Variants in METTL16 observed in about 807,000 individuals in gnomAD.
METTL16 encodes the protein methyltransferase 16, RNA N6-adenosine.
A neutral mutation model predicts 57.9 loss-of-function variants in METTL16; 19 were observed. That is an observed-to-expected ratio of 0.33 (90% CI 0.23 to 0.48). The LOEUF is 0.48. Ranked by LOEUF, METTL16 falls within the 20% of genes least tolerant of loss-of-function variation. The pLI, the probability that METTL16 is intolerant of heterozygous loss-of-function variation, is 0.99. For missense variants in METTL16, 434 were observed against 691.5 expected, an observed-to-expected ratio of 0.63 and a Z score of 4.18; for synonymous variants, 246 against 255.6, an observed-to-expected ratio of 0.96 and a Z score of 0.36.
At chr17:2,470,329 G>A (rs978419449) in intron 4 of METTL16, among the ~76,000 whole-genome samples, 6 of 151,862 alleles carry the variant, frequency 4.0e-5, no homozygotes, top group Non-Finnish European at 5.9e-5. Context: ...ACCCCAAAAC[G>A]TGGTATTAAA....
rs1164881307 is a variant in METTL16 at position 2,419,488 on chromosome 17, A to G, written c.*482T>C. 8.1e-6 allele frequency: 3 copies of G among 369,074 alleles called. No individual in the cohort carries two copies. The highest frequency in any genetic ancestry group is 1.1e-5 in the Non-Finnish European group (2 of 186,620). The allele number at this position is 369,074 out of a possible 1,614,324, so 22.9% of individuals were successfully genotyped here. ...CCCACCATACAGCTCCCTTTGTGGG[A>G]TTGATGCAAGGTAGGCCCCATCTTG... On this transcript the variant is annotated 3_prime_UTR_variant, in exon 10 of 10. Coordinates refer to ENST00000263092, the MANE Select transcript of METTL16 (RefSeq NM_024086.4).
At chr17:2,506,814 C>T (rs373439598) in intron 1 of METTL16, among the ~76,000 whole-genome samples, 3,572 of 151,450 alleles carry the variant, frequency 0.024, 71 homozygotes, top group African/African-American at 0.056. Context: ...CGTCTCTGCC[C>T]GGCCGCCATC....
intron 2 of METTL16, among the ~76,000 whole-genome samples, chr17:2,486,993 G>C (rs933261384): frequency 1.1e-5 from 1 of 92,956 alleles, no homozygotes; most frequent in Non-Finnish European, 1.9e-5. Flanking sequence ...AACAGAGTGA[G>C]ATCCTGTCTC....
At position 2,420,889 on chromosome 17, in the gene METTL16, G is replaced by T; in HGVS notation, c.904C>A (p.Arg302=). The T allele has an allele frequency of 6.2e-7, 1 of 1,613,070 alleles. No individual in the cohort carries two copies. The highest frequency in any genetic ancestry group is 1.3e-5 in the African/African-American group (1 of 74,960). ...DVTVPSPPSK[R]RKLEKPRKPI... is the part of the protein sequence containing the mutation. ...TTTCTCGGTTTCTCTAATTTTCTTC[G>T]CTTACTTGGTGGTGACTGCAAGAAA... The change falls in exon 9 of 10, where the codon CGA becomes AGA. Residue 302 remains arginine, a synonymous_variant. Transcript: ENST00000263092. This position sits in a 1 kb window ranked among gnomAD's most constrained non-coding sequence, Gnocchi z 5.4.
chr17:2,469,998 G>A (rs1214443420), intron 4 of METTL16, among the ~76,000 whole-genome samples: 1 of 152,090 alleles, frequency 6.6e-6, no homozygotes, highest in Non-Finnish European at 1.5e-5. Context: ...GATTCCCAGG[G>A]GAAATACAGG....
chr17:2,499,808 C>T (rs1222712786), intron 2 of METTL16, among the ~76,000 whole-genome samples: 1 of 152,144 alleles, frequency 6.6e-6, no homozygotes, highest in Non-Finnish European at 1.5e-5. Context: ...GGCTGAAGTG[C>T]AGTGGCATGA....
At chr17:2,441,461 A>T (rs371798855) in intron 7 of METTL16, 29 bp downstream of exon 7, 80 of 1,515,372 alleles carry the variant, frequency 5.3e-5, no homozygotes, top group Middle Eastern at 1.7e-4. Flanking sequence ...AAAAGTAGCT[A>T]CACGAGAACA....
intron 5 of METTL16, among the ~76,000 whole-genome samples, chr17:2,467,198 C>A (rs1473952377): frequency 6.6e-6 from 1 of 152,010 alleles, no homozygotes; most frequent in African/African-American, 2.4e-5. Context: ...TACTTCAAAC[C>A]AAAAGCCCCC....
intron 1 of METTL16, among the ~76,000 whole-genome samples, chr17:2,510,206 C>G (rs7211072): frequency 0.85 from 129,375 of 152,222 alleles, 55,718 homozygotes; most frequent in Non-Finnish European, 0.93. Context: ...GACATTTATG[C>G]GGTATTTGTT....
intron 3 of METTL16, among the ~76,000 whole-genome samples, chr17:2,476,370 T>G (rs1257124645): frequency 6.6e-6 from 1 of 152,062 alleles, no homozygotes; most frequent in East Asian, 1.9e-4. Flanking sequence ...CAGGGTAGGG[T>G]GCTGAGTGAG....
chr17:2,494,378 G>A (rs751138658), intron 2 of METTL16, among the ~76,000 whole-genome samples: 18 of 152,018 alleles, frequency 1.2e-4, no homozygotes, highest in Non-Finnish European at 1.8e-4. Flanking sequence ...GGGGTATATG[G>A]GATATACATT....
At chr17:2,466,496 C>T (rs1274003592) in intron 5 of METTL16, among the ~76,000 whole-genome samples, 1 of 152,172 alleles carries the variant, frequency 6.6e-6, no homozygotes, top group African/African-American at 2.4e-5. Context: ...CCAACTACTG[C>T]TGGGTTTCTC....
intron 6 of METTL16, among the ~76,000 whole-genome samples, chr17:2,444,858 C>T (rs1196435600): frequency 6.6e-6 from 1 of 151,844 alleles, no homozygotes; most frequent in Non-Finnish European, 1.5e-5. Context: ...GGAGTACAGG[C>T]ACCCCCTCCA....
At position 2,420,445 on chromosome 17, in the gene METTL16, G is replaced by C. The variant is rs1272449144; in HGVS notation, c.1214C>G (p.Ala405Gly). The C allele has an allele frequency of 1.2e-6, 2 of 1,614,114 alleles. No individual in the cohort carries two copies. ...GGGGGTGGGCTTTTTCTCTTCCAAG[G>C]CCTGAATGACGTCCTCAGGAGCTCG... ...VPRAPEDVIQ[A>G]LEEKKPTPKE... The change falls in exon 10 of 10, where the codon GCC becomes GGC. Residue 405 changes from alanine to glycine, a missense_variant. Ala to Gly is a moderately conservative substitution (Grantham distance 60). Around this residue, in one of 5 missense-constraint regions of METTL16, gnomAD observed 168 missense variants for 149.6 expected, o/e 1.12. Coordinates refer to ENST00000263092, the MANE Select transcript of METTL16 (RefSeq NM_024086.4). The surrounding 1 kb of genome is among the most constrained non-coding windows in gnomAD (Gnocchi z 5.4).
intron 8 of METTL16, among the ~76,000 whole-genome samples, chr17:2,429,968 G>A (rs970591004): frequency 7.6e-5 from 11 of 144,460 alleles, no homozygotes; most frequent in Non-Finnish European, 1.5e-4. Flanking sequence ...CCGCCACCAT[G>A]CCCGGCTAAT....
At chr17:2,421,124 C>G (rs2066762594) in intron 8 of METTL16, among the ~76,000 whole-genome samples, 1 of 152,158 alleles carries the variant, frequency 6.6e-6, no homozygotes, top group South Asian at 2.1e-4. Context: ...GGGGCCATGG[C>G]AGGAGCATCA....
At chr17:2,473,143 A>T (rs1182318062) in intron 4 of METTL16, among the ~76,000 whole-genome samples, 1 of 152,132 alleles carries the variant, frequency 6.6e-6, no homozygotes, top group African/African-American at 2.4e-5. Flanking sequence ...TTTGCTATGA[A>T]CCTAAAAATG....
chr17:2,440,088 T>C (rs188318317), intron 7 of METTL16, among the ~76,000 whole-genome samples: 2 of 152,222 alleles, frequency 1.3e-5, no homozygotes, highest in Admixed American at 6.5e-5. Flanking sequence ...GAGACCTTGT[T>C]TCTACTAAAA....
intron 8 of METTL16, among the ~76,000 whole-genome samples, chr17:2,425,569 G>A (rs541694290): frequency 7.2e-5 from 11 of 152,242 alleles, no homozygotes; most frequent in Middle Eastern, 3.4e-3. Flanking sequence ...AACTGCAAGC[G>A]TTAAAAACAC....
Sources: allele counts gnomAD v4.1 joint callset (sites outside exome capture counted in the v4.1 genomes callset), GRCh38; gene constraint gnomAD v4.1.1; regional missense constraint gnomAD v4.1.1; non-coding constraint Gnocchi (gnomAD v3.1); transcripts MANE v1.5; gene names NCBI Gene and HGNC (gene_info 2026-07-23, HGNC 2026-07-21).